Variants in KANK1 observed in about 807,000 individuals in gnomAD.
KANK1 encodes KN motif and ankyrin repeat domain-containing protein 1.
A neutral mutation model predicts 106.2 loss-of-function variants in KANK1; 109 were observed. The ratio of observed to expected loss-of-function variants is 1.03; its 90% confidence interval spans 0.88 to 1.20. The LOEUF (loss-of-function observed/expected upper bound fraction) is 1.20, where lower values mean the gene tolerates loss of function less well. KANK1 is among the 50% of genes most tolerant of loss of function. The probability of loss-of-function intolerance (pLI) is 0.00; values close to 1 mark genes in which losing one functional copy is unlikely to be tolerated. For missense variants in KANK1, 2,399 were observed against 1,710.7 expected (o/e 1.40, Z -7.10); for synonymous variants, 873 against 652.2 (o/e 1.34, Z -5.16).
intron 1 of KANK1, among the ~76,000 whole-genome samples, chr9:632,306 T>G (rs1156259354): frequency 1.3e-5 from 2 of 152,198 alleles, no homozygotes; most frequent in African/African-American, 4.8e-5. Context: ...ATCTACAGCA[T>G]GTAATTATTT....
intron 1 of KANK1, among the ~76,000 whole-genome samples, chr9:605,088 G>A (rs1828752553): frequency 6.6e-6 from 1 of 151,618 alleles, no homozygotes; most frequent in Admixed American, 6.6e-5. Flanking sequence ...CAGATCACAT[G>A]GTCAGGAGTT....
intron 1 of KANK1, among the ~76,000 whole-genome samples, chr9:548,698 T>G (rs2255187): frequency 2.6e-5 from 4 of 152,286 alleles, no homozygotes; most frequent in African/African-American, 4.8e-5. Flanking sequence ...GTTAATTGCA[T>G]AGTTTCTCTG....
At chr9:645,777 C>G (rs10975559) in intron 1 of KANK1, among the ~76,000 whole-genome samples, 27,666 of 150,228 alleles carry the variant, frequency 0.18, 3,314 homozygotes, top group East Asian at 0.24. Context: ...CCTGACCAGC[C>G]AGCTGAGATC....
chr9:741,447 C>T (rs535113985), intron 9 of KANK1, among the ~76,000 whole-genome samples: 22 of 150,418 alleles, frequency 1.5e-4, no homozygotes, highest in African/African-American at 3.4e-4. Flanking sequence ...CTTAGCCTCC[C>T]GAGTAGCAGG....
intron 7 of KANK1, among the ~76,000 whole-genome samples, chr9:736,369 A>G (rs953522911): frequency 6.6e-6 from 1 of 152,160 alleles, no homozygotes; most frequent in African/African-American, 2.4e-5. Flanking sequence ...ATCTATGGAA[A>G]TGGAACCTGT....
At chr9:524,127 A>G (rs367864950) in intron 1 of KANK1, among the ~76,000 whole-genome samples, 2 of 151,668 alleles carry the variant, frequency 1.3e-5, no homozygotes, top group Non-Finnish European at 2.9e-5. Flanking sequence ...ATGAACAGGG[A>G]CTCCCAACTT....
intron 3 of KANK1, among the ~76,000 whole-genome samples, chr9:476,035 CAG>C (rs1382967888): frequency 1.3e-5 from 2 of 149,768 alleles, no homozygotes; most frequent in Non-Finnish European, 3.0e-5. Flanking sequence ...GTATTTTTAA[CAG>C]AGACAAGTTT....
At chr9:634,444 A>G (rs1473405315) in intron 1 of KANK1, among the ~76,000 whole-genome samples, 3 of 152,208 alleles carry the variant, frequency 2.0e-5, no homozygotes, top group East Asian at 3.8e-4. Flanking sequence ...TAGGTTCTAT[A>G]GTAGTGATGT....
At chr9:675,958 C>T (rs1200394151) in intron 1 of KANK1, among the ~76,000 whole-genome samples, 1 of 152,142 alleles carries the variant, frequency 6.6e-6, no homozygotes, top group Non-Finnish European at 1.5e-5. Context: ...GGATAACTTC[C>T]TGACATTGCC....
intron 9 of KANK1, among the ~76,000 whole-genome samples, chr9:741,638 C>G (rs1353137086): frequency 6.6e-6 from 1 of 152,050 alleles, no homozygotes; most frequent in Non-Finnish European, 1.5e-5. Context: ...CAGGCGCCCA[C>G]CCCCACGTCC....
chr9:536,195 G>T (rs1282813725), intron 1 of KANK1, among the ~76,000 whole-genome samples: 2 of 152,066 alleles, frequency 1.3e-5, no homozygotes, highest in Admixed American at 6.6e-5. Flanking sequence ...AAAAAAAATA[G>T]CCAGACATGG....
At chr9:721,223 G>T (rs981172958) in intron 3 of KANK1, among the ~76,000 whole-genome samples, 2 of 152,164 alleles carry the variant, frequency 1.3e-5, no homozygotes, top group Non-Finnish European at 2.9e-5. Context: ...TTCCTAACCT[G>T]TGGTAAGTAA....
At chr9:558,982 C>T (rs1815647953) in intron 1 of KANK1, 1 of 152,098 alleles carries the variant, frequency 6.6e-6, no homozygotes, top group African/African-American at 2.4e-5. Context: ...TGACCATGAG[C>T]ATTAGTCTTG....
chr9:554,763 A>C (rs1290842065), intron 1 of KANK1, among the ~76,000 whole-genome samples: 1 of 152,222 alleles, frequency 6.6e-6, no homozygotes, highest in Non-Finnish European at 1.5e-5. Context: ...TGTAAATGGA[A>C]ATGCCACTAC....
intron 2 of KANK1, chr9:693,490 T>A: frequency 1.0e-6 from 1 of 985,410 alleles, no homozygotes; most frequent in South Asian, 4.7e-5. Context: ...GAGGATAGTT[T>A]GAAAAATCAG....
intron 1 of KANK1, among the ~76,000 whole-genome samples, chr9:601,421 T>C (rs1162088130): frequency 6.6e-6 from 1 of 151,912 alleles, no homozygotes; most frequent in African/African-American, 2.4e-5. Flanking sequence ...TTCCTTGTCA[T>C]TCCCTGTCAG....
intron 2 of KANK1, chr9:686,815 C>A (rs1818694163): frequency 1.0e-6 from 1 of 985,198 alleles, no homozygotes. Context: ...CTCTGAGGAA[C>A]ATGCTAGGAT....
intron 1 of KANK1, among the ~76,000 whole-genome samples, chr9:567,751 A>T (rs989484124): frequency 3.9e-5 from 6 of 152,224 alleles, no homozygotes; most frequent in Admixed American, 2.0e-4. Flanking sequence ...ACTTTGGTGC[A>T]GTGTTGGCCC....
chr9:524,597 A>C (rs1234926136), intron 1 of KANK1, among the ~76,000 whole-genome samples: 2 of 151,646 alleles, frequency 1.3e-5, no homozygotes, highest in Non-Finnish European at 2.9e-5. Flanking sequence ...AGCTCACTGC[A>C]ACCTCCGCCT....
Sources: allele counts gnomAD v4.1 joint callset (sites outside exome capture counted in the v4.1 genomes callset), GRCh38; gene constraint gnomAD v4.1.1; transcripts MANE v1.5; gene names NCBI Gene and HGNC (gene_info 2026-07-23, HGNC 2026-07-21).